The following PLEKHG7 variants were observed in gnomAD, a reference collection of about 807,000 sequenced individuals.
The protein encoded by PLEKHG7 is pleckstrin homology and RhoGEF domain containing G7.
In PLEKHG7, 77 loss-of-function variants were observed where a neutral mutation model predicts 85.2. The ratio of observed to expected loss-of-function variants is 0.90; its 90% confidence interval spans 0.75 to 1.09. PLEKHG7 has a LOEUF of 1.09. PLEKHG7 is among the 50% of genes least tolerant of loss of function. PLEKHG7 has a pLI of 0.00. For missense variants in PLEKHG7, 777 were observed against 804.3 expected (o/e 0.97, Z 0.41); for synonymous variants, 301 against 302.4 (o/e 1.00, Z 0.05).
chr12:92,707,392 A>G, intron 2 of PLEKHG7: 1 of 1,428,292 alleles, frequency 7.0e-7, no homozygotes. Context: ...GGATGCACCA[A>G]GGCCAGGCTT....
At position 92,764,026 on chromosome 12, in the gene PLEKHG7, T is replaced by C; in HGVS notation, c.1717-15T>C. On this transcript the variant is annotated splice_polypyrimidine_tract_variant and intron_variant, in intron 14 of 16. Transcript: ENST00000344636. ...TATTTCTTGTTTATTGCATTATTTT[T>C]CTTGTTAATTTCAGAAACTTGGAGG... 1.3e-6 allele frequency: 2 copies of C among 1,592,484 alleles called. No homozygotes were observed. The highest frequency in any genetic ancestry group is 1.7e-6 in the Non-Finnish European group (2 of 1,169,624).
intron 12 of PLEKHG7, 55 bp downstream of exon 12, chr12:92,755,995 A>G (rs2136623285): frequency 2.5e-6 from 3 of 1,199,548 alleles, no homozygotes; most frequent in African/African-American, 3.1e-5. Context: ...TTGGGCATTC[A>G]GATAGAAATA....
At chr12:92,733,244 A>G (rs1214342217) in intron 5 of PLEKHG7, among the ~76,000 whole-genome samples, 1 of 152,184 alleles carries the variant, frequency 6.6e-6, no homozygotes, top group Non-Finnish European at 1.5e-5. Context: ...GACCAGTGCC[A>G]GCCTCACAGG....
At chr12:92,710,143 C>T (rs1871339675) in intron 3 of PLEKHG7, among the ~76,000 whole-genome samples, 1 of 152,114 alleles carries the variant, frequency 6.6e-6, no homozygotes, top group Non-Finnish European at 1.5e-5. Flanking sequence ...ATGAGTAGTG[C>T]CACTTTGACT....
At chr12:92,769,514 C>G (rs1234552707) in intron 16 of PLEKHG7, among the ~76,000 whole-genome samples, 3 of 152,184 alleles carry the variant, frequency 2.0e-5, no homozygotes, top group Admixed American at 1.3e-4. Context: ...TGATCCCTGT[C>G]AAGTCAGCTT....
chr12:92,744,776 C>T (rs571465910), intron 9 of PLEKHG7, among the ~76,000 whole-genome samples: 1 of 152,030 alleles, frequency 6.6e-6, no homozygotes, highest in South Asian at 2.1e-4. Context: ...AGCAATTATC[C>T]TGCCTCAGCC....
chr12:92,739,910 G>A (rs371783324), intron 7 of PLEKHG7, among the ~76,000 whole-genome samples: 15 of 152,232 alleles, frequency 9.9e-5, no homozygotes, highest in African/African-American at 3.6e-4. Context: ...TTCTTGACAG[G>A]TGGCCTCTAG....
intron 3 of PLEKHG7, among the ~76,000 whole-genome samples, chr12:92,728,404 A>T (rs1175480935): frequency 3.4e-4 from 34 of 99,950 alleles, no homozygotes; most frequent in Non-Finnish European, 4.3e-4. Context: ...TACACACCAC[A>T]TTCCATGGTG....
rs1218958067 is a variant in PLEKHG7, at chr12:92,707,139, G to A, written c.507+1G>A. ...CACCCTACGACACCCTAGTCCTCAG[G>A]TAACACAGCTCTAAGCCTCCGGCCT... is the stretch of plus-strand genomic sequence containing the variant. On this transcript the variant is annotated splice_donor_variant, in intron 2 of 16. Transcript: ENST00000344636. LOFTEE classifies it high-confidence loss of function. The A allele has an allele frequency of 1.9e-6, 3 of 1,610,978 alleles. No homozygotes were observed. In the South Asian group the frequency reaches 3.3e-5, roughly 18 times the overall value.
At chr12:92,704,626 T>G (rs1285096083) in intron 1 of PLEKHG7, among the ~76,000 whole-genome samples, 2 of 152,248 alleles carry the variant, frequency 1.3e-5, no homozygotes, top group Non-Finnish European at 2.9e-5. Flanking sequence ...AAACACAACA[T>G]TAAGAATTTT....
chr12:92,717,139 A>G (rs1234659178), intron 3 of PLEKHG7, among the ~76,000 whole-genome samples: 1 of 152,234 alleles, frequency 6.6e-6, no homozygotes, highest in Non-Finnish European at 1.5e-5. Context: ...TGAAAGAGAG[A>G]AGAGAAACGT....
In PLEKHG7 at chr12:92,706,817, G is replaced by A. The variant is rs75978302; in HGVS notation, c.186G>A (p.Arg62=). Residue 62 remains arginine (R), a synonymous_variant, in exon 2 of 17, where the codon AGG becomes AGA. Transcript: ENST00000344636. ...TAAGGACCCGTGGCTGTGGGACAAG[G>A]CAGGATGCCTGGCAGGTGACCACCT... is the stretch of plus-strand genomic sequence containing the variant. ...RRLRTRGCGT[R]QDAWQVTTWG... is the part of the protein sequence containing the mutation. 2.8e-3 allele frequency: 4,507 copies of A among 1,613,986 alleles called. 57 individuals are homozygous for A. The African/African-American group carries it at 0.034, about 12-fold the overall frequency.
intron 3 of PLEKHG7, among the ~76,000 whole-genome samples, chr12:92,716,812 G>A (rs1003977473): frequency 1.2e-4 from 18 of 152,174 alleles, no homozygotes; most frequent in African/African-American, 4.3e-4. Flanking sequence ...CCTGAGAGCA[G>A]AGACTGCTTC....
rs1032460467 is a variant in PLEKHG7 at position 92,771,698 on chromosome 12, T to G, written c.*1503T>G. On this transcript the variant is annotated 3_prime_UTR_variant, in exon 17 of 17. Transcript: ENST00000344636. ...AAGAAATTTCTGGTTAAAAAAAATT[T>G]TTACATTAACAATCATCTTGCAAAT... 6.6e-6 allele frequency: 1 copy of G among 151,988 alleles called. No homozygotes were observed. Among genetic ancestry groups the G allele is most frequent in the Non-Finnish European group, 1.5e-5 (1 of 67,890 alleles). 9.4% of individuals were successfully genotyped at this position (151,988 alleles called of 1,614,324 possible). A position where few individuals can be genotyped will look rare whatever the true frequency, so the allele number is the denominator to read the frequency against.
At chr12:92,765,254 A>G (rs973397725) in intron 15 of PLEKHG7, among the ~76,000 whole-genome samples, 1 of 151,868 alleles carries the variant, frequency 6.6e-6, no homozygotes, top group Non-Finnish European at 1.5e-5. Flanking sequence ...TGGGAGGCCA[A>G]CATGGTAGGA....
chr12:92,719,465 C>G (rs11106686), intron 3 of PLEKHG7, among the ~76,000 whole-genome samples: 69,940 of 152,050 alleles, frequency 0.46, 17,319 homozygotes, highest in East Asian at 0.89. Context: ...CTCTTACTAC[C>G]AGACAAGGAC....
chr12:92,709,486 A>C (rs1160119262), intron 3 of PLEKHG7, among the ~76,000 whole-genome samples: 1 of 152,188 alleles, frequency 6.6e-6, no homozygotes, highest in African/African-American at 2.4e-5. Flanking sequence ...ATCTAAGTGG[A>C]GATTTTGAGT....
intron 10 of PLEKHG7, 92 bp from the exon 11 acceptor site, chr12:92,753,998 G>A: frequency 2.2e-6 from 3 of 1,342,050 alleles, no homozygotes; most frequent in Non-Finnish European, 3.1e-6. Context: ...CAGTTACTGA[G>A]TAAAATCTCC....
At chr12:92,736,678 C>A in intron 6 of PLEKHG7, 101 bp downstream of exon 6, 1 of 671,512 alleles carries the variant, frequency 1.5e-6, no homozygotes, top group Non-Finnish European at 2.1e-6. Context: ...AGATTACTGC[C>A]TTGTTTATAG....
Sources: gnomAD v4.1 joint callset for allele counts (sites outside exome capture counted in the v4.1 genomes callset) on GRCh38, gnomAD v4.1.1 for gene constraint, MANE v1.5 for transcripts, NCBI Gene and HGNC (gene_info 2026-07-23, HGNC 2026-07-21) for gene names.